The following HSPG2 variants were observed in gnomAD, a reference collection of about 807,000 sequenced individuals.
HSPG2 encodes the protein heparan sulfate proteoglycan 2.
A neutral mutation model predicts 526.6 loss-of-function variants in HSPG2; 278 were observed. The observed-to-expected ratio is 0.53, with a 90% CI of 0.48 to 0.58. The LOEUF is 0.58. Among genes scored for constraint, HSPG2 ranks in the 20% least tolerant of loss-of-function variants. The pLI, the probability that HSPG2 is intolerant of heterozygous loss-of-function variation, is 0.00. For synonymous variants in HSPG2, 2,465 were observed against 2,555.4 expected (o/e 0.96, Z 1.07); for missense variants, 5,354 against 6,099.5 (o/e 0.88, Z 4.07).
chr1:21,914,897 C>T (rs1395860232), intron 1 of HSPG2, among the ~76,000 whole-genome samples: 1 of 152,214 alleles, frequency 6.6e-6, no homozygotes, highest in African/African-American at 2.4e-5. Context: ...CCCAAAAGCT[C>T]ACATCCTGCC....
In HSPG2 at chr1:21,875,305, C is replaced by T. The variant is rs921513698; in HGVS notation, c.3303-303G>A. On this transcript the variant is annotated intron_variant, in intron 25 of 96. Transcript: ENST00000374695. ...GCCTGAAAGAACGATCACTCTCCGG[C>T]GAATGACTCTCCAGAGCTCCCTGTG... is the stretch of plus-strand genomic sequence containing the variant. 3.2e-5 allele frequency: 19 copies of T among 593,452 alleles called. No individual in the cohort carries two copies. In the Middle Eastern group the frequency reaches 1.3e-3, roughly 41 times the overall value. 36.8% of individuals were successfully genotyped at this position (593,452 alleles called of 1,614,324 possible).
intron 33 of HSPG2, chr1:21,870,412 A>G: frequency 2.5e-6 from 1 of 406,706 alleles, no homozygotes; most frequent in Non-Finnish European, 3.3e-6. Context: ...GTAGTCAGAA[A>G]GGCCCACACT....
intron 87 of HSPG2, 53 bp downstream of exon 87, chr1:21,829,330 G>T: frequency 1.3e-6 from 2 of 1,569,892 alleles, no homozygotes; most frequent in South Asian, 1.1e-5. Context: ...GAAGAGCCGA[G>T]GGGGGCACAA....
At chr1:21,862,140 A>G (rs200756420) in intron 37 of HSPG2, 25 bp from the exon 38 acceptor site, 4 of 1,600,936 alleles carry the variant, frequency 2.5e-6, no homozygotes, top group Non-Finnish European at 3.4e-6. Flanking sequence ...GAGGGCAGGC[A>G]CCAGCCATTA....
intron 1 of HSPG2, among the ~76,000 whole-genome samples, chr1:21,914,437 C>G (rs1643826544): frequency 6.6e-6 from 1 of 152,100 alleles, no homozygotes; most frequent in African/African-American, 2.4e-5. Flanking sequence ...GGCCGGTTAT[C>G]TAACCCCCAT....
rs763116190 is a variant in HSPG2 at position 21,850,498 on chromosome 1, T to A, written c.7159A>T (p.Thr2387Ser). The change falls in exon 56 of 97, where the codon ACC becomes TCC. Residue 2387 changes from threonine to serine, a missense_variant and splice_region_variant. Coordinates refer to ENST00000374695, the MANE Select transcript of HSPG2 (RefSeq NM_005529.7). ...TAGAGTCTCAGCAGGGAGCCGTGGGTCTGGCCAGAATGGGGGTGAGTCAGA... is the reference window on the plus strand; with the variant it reads ...TAGAGTCTCAGCAGGGAGCCGTGGGACTGGCCAGAATGGGGGTGAGTCAGA... ...RGGSLPVRHQ[T>S]HGSLLRLYQA... The A allele has an allele frequency of 6.2e-7, 1 of 1,607,800 alleles. No homozygotes were observed. The highest frequency in any genetic ancestry group is 8.5e-7 in the Non-Finnish European group (1 of 1,176,702).
chr1:21,848,125 G>GT lies in HSPG2; in HGVS notation c.7738-33dup. ...GAAGCAGATGGCAGGAGGTATGGCA[G>GT]TAGGTGTGGGCAGCTCCTCCACATC... On this transcript the variant is annotated intron_variant, in intron 59 of 96. Coordinates refer to ENST00000374695, the MANE Select transcript of HSPG2 (RefSeq NM_005529.7). The surrounding 1 kb of genome is among the most constrained non-coding windows in gnomAD (Gnocchi z 4.9). 1 of 1,555,684 alleles carries GT rather than the reference G, an allele frequency of 6.4e-7. No individual in the cohort carries two copies. The highest frequency in any genetic ancestry group is 8.7e-7 in the Non-Finnish European group (1 of 1,151,708).
Position 21,831,212 on chromosome 1 carries a change from C to A in HSPG2, c.11562+3G>T. 3 of 1,613,478 alleles carry A rather than the reference C, an allele frequency of 1.9e-6. No homozygotes were observed. Among genetic ancestry groups the A allele is most frequent in the Non-Finnish European group, 2.5e-6 (3 of 1,179,498 alleles). ...CCAGGTGGTGTGTGGGGTGTGGGGT[C>A]ACCTGGCAGGGCCGGTCCCGACAGG... On this transcript the variant is annotated splice_donor_region_variant and intron_variant, in intron 84 of 96. Transcript: ENST00000374695.
Position 21,889,818 on chromosome 1 carries a change from T to C in HSPG2, c.574+163A>G, listed in dbSNP as rs1230670575. On this transcript the variant is annotated intron_variant, in intron 6 of 96. Coordinates refer to ENST00000374695, the MANE Select transcript of HSPG2 (RefSeq NM_005529.7). Reference sequence around the variant, plus strand: ...GTGCTAGAGGAAACAGTCTGTGCTCTACCAAGCCAAGATTGTGTAAAGATC... The same window carrying C: ...GTGCTAGAGGAAACAGTCTGTGCTCCACCAAGCCAAGATTGTGTAAAGATC... 4 of 754,844 alleles carry C rather than the reference T, an allele frequency of 5.3e-6. No homozygotes were observed. The East Asian group carries it at 1.0e-4, about 20-fold the overall frequency. The allele number at this position is 754,844 out of a possible 1,614,324, so 46.8% of individuals were successfully genotyped here. A position where few individuals can be genotyped will look rare whatever the true frequency, so the allele number is the denominator to read the frequency against.
At chr1:21,853,954 G>T in intron 50 of HSPG2, 1 of 534,866 alleles carries the variant, frequency 1.9e-6, no homozygotes, top group Non-Finnish European at 3.4e-6. Context: ...TATTCAACCT[G>T]GACATTCTGC....
Position 21,887,293 on chromosome 1 carries a change from T to G in HSPG2, c.1000A>C (p.Asn334His). The G allele has an allele frequency of 6.2e-7, 1 of 1,614,060 alleles. No homozygotes were observed. The highest frequency in any genetic ancestry group is 8.5e-7 in the Non-Finnish European group (1 of 1,179,960). The change falls in exon 9 of 97, where the codon AAT (asparagine) becomes CAT (histidine). Residue 334 changes from asparagine (N) to histidine (H), a missense_variant. Physicochemically the swap from Asn to His is moderately conservative, Grantham distance 68. Coordinates refer to ENST00000374695, the MANE Select transcript of HSPG2 (RefSeq NM_005529.7). The surrounding 1 kb of genome is among the most constrained non-coding windows in gnomAD (Gnocchi z 5.0). Reference sequence around the variant, plus strand: ...CACAGCTTGAGGGCACAATGTCCATTCCCGCAGGGGAACTCGTTGGGCTCA... The same window carrying G: ...CACAGCTTGAGGGCACAATGTCCATGCCCGCAGGGGAACTCGTTGGGCTCA... ...PCEPNEFPCG[N>H]GHCALKLWRC...
At chr1:21,881,294 A>G in intron 14 of HSPG2, 45 bp downstream of exon 14, 1 of 1,606,440 alleles carries the variant, frequency 6.2e-7, no homozygotes, top group Non-Finnish European at 8.5e-7. Flanking sequence ...AGCAGAGCCC[A>G]CAGGAATTCT....
In HSPG2 at chr1:21,865,256, T is replaced by C. The variant is rs760746188; in HGVS notation, c.4395+29A>G. On this transcript the variant is annotated intron_variant, in intron 35 of 96. Transcript: ENST00000374695. The surrounding 1 kb of genome is among the most constrained non-coding windows in gnomAD (Gnocchi z 5.4). ...GTCAGGGTGGAGGGTGGGGTGGGGT[T>C]AGACACAGCATGGCCAGGTGCCCCT... The C allele has an allele frequency of 1.9e-6, 3 of 1,607,996 alleles. No homozygotes were observed. The highest frequency in any genetic ancestry group is 2.6e-6 in the Non-Finnish European group (3 of 1,174,806).
At position 21,860,172 on chromosome 1, in the gene HSPG2, C is replaced by T; in HGVS notation, c.5014+5G>A. 1 of 1,613,860 alleles carries T rather than the reference C, an allele frequency of 6.2e-7. No individual in the cohort carries two copies. The highest frequency in any genetic ancestry group is 8.5e-7 in the Non-Finnish European group (1 of 1,179,918). ...GTCCCCATCCTGGGCCATGGTCCCA[C>T]TTACTCTCTGGCAGGCACTGGCCCC... On this transcript the variant is annotated splice_donor_5th_base_variant and intron_variant, in intron 40 of 96. Transcript: ENST00000374695.
intron 33 of HSPG2, among the ~76,000 whole-genome samples, chr1:21,868,000 G>A (rs1477654689): frequency 2.0e-5 from 3 of 151,054 alleles, no homozygotes; most frequent in Admixed American, 6.6e-5. Context: ...AAAGTGCTGC[G>A]ATTATAGGCA....
rs1193568759 is a variant in HSPG2 at position 21,887,414 on chromosome 1, G to A, written c.958+6C>T. The A allele has an allele frequency of 8.1e-6, 13 of 1,613,998 alleles. No homozygotes were observed. The highest frequency in any genetic ancestry group is 1.1e-5 in the Non-Finnish European group (13 of 1,179,964). ...CGCACCCACCTGCACCCCTGCCGGT[G>A]CGCACCACAGTCTAGCTCATCGCTG... On this transcript the variant is annotated splice_donor_region_variant and intron_variant, in intron 8 of 96. Coordinates refer to ENST00000374695, the MANE Select transcript of HSPG2 (RefSeq NM_005529.7). The surrounding 1 kb of genome is among the most constrained non-coding windows in gnomAD (Gnocchi z 5.0).
In HSPG2 at chr1:21,833,792, G is replaced by A. The variant is rs755782172; in HGVS notation, c.10830+24C>T. On this transcript the variant is annotated intron_variant, in intron 78 of 96. Transcript: ENST00000374695. ...TGTTCCCAGCCCCCAAGTCATGCCC[G>A]CTGGTTCCCTCTCCAGCACTTACCT... 11 of 1,548,210 alleles carry A rather than the reference G, an allele frequency of 7.1e-6. No homozygotes were observed. In the Admixed American group the frequency reaches 1.1e-4, roughly 16 times the overall value.
rs1227094787 is a variant in HSPG2, at chr1:21,846,433, C to G, written c.8316+15G>C. 6.2e-7 allele frequency: 1 copy of G among 1,613,230 alleles called. No homozygotes were observed. The highest frequency in any genetic ancestry group is 1.7e-5 in the Admixed American group (1 of 60,022). ...CATCCAGCGGCTCTCCCACCATTTCCTGCCAGCTGCATACCTGATGGTGAC... is the reference window on the plus strand; with the variant it reads ...CATCCAGCGGCTCTCCCACCATTTCGTGCCAGCTGCATACCTGATGGTGAC... On this transcript the variant is annotated intron_variant, in intron 63 of 96. Transcript: ENST00000374695.
intron 49 of HSPG2, 44 bp downstream of exon 49, chr1:21,854,567 C>T (rs1257350290): frequency 5.9e-6 from 9 of 1,533,454 alleles, no homozygotes; most frequent in Admixed American, 2.0e-5. Flanking sequence ...CCGCCACAGC[C>T]CCTGCACCCT....
Sources: gnomAD v4.1 joint callset for allele counts (sites outside exome capture counted in the v4.1 genomes callset) on GRCh38, gnomAD v4.1.1 for gene constraint, Gnocchi (gnomAD v3.1) non-coding constraint, MANE v1.5 for transcripts, NCBI Gene and HGNC (gene_info 2026-07-23, HGNC 2026-07-21) for gene names.